DNM3: variants seen among roughly 807,000 people sequenced by gnomAD.
DNM3 encodes dynamin-3.
A neutral mutation model predicts 101.6 loss-of-function variants in DNM3; 47 were observed. The ratio of observed to expected loss-of-function variants is 0.46; its 90% CI spans 0.37 to 0.59. The LOEUF (loss-of-function observed/expected upper bound fraction) is 0.59. Ranked by LOEUF, DNM3 falls within the 20% of genes least tolerant of loss-of-function variation. The pLI is 0.00. For synonymous variants in DNM3, 385 were observed against 387.9 expected (o/e 0.99, Z 0.09); for missense variants, 849 against 1,085.7 (o/e 0.78, Z 3.06).
At chr1:172,150,647 G>A (rs1383307923) in intron 14 of DNM3, among the ~76,000 whole-genome samples, 1 of 152,302 alleles carries the variant, frequency 6.6e-6, no homozygotes, top group East Asian at 1.9e-4. Context: ...GCTCAAGGAG[G>A]TAGTGTCGTG....
At chr1:171,853,583 CTT>C (rs933082639) in intron 1 of DNM3, among the ~76,000 whole-genome samples, 2 of 152,060 alleles carry the variant, frequency 1.3e-5, no homozygotes, top group East Asian at 3.8e-4. Flanking sequence ...GTTTAGTTTC[CTT>C]TTTTTATTTT....
At chr1:172,329,450 C>T (rs1316748589) in intron 17 of DNM3, among the ~76,000 whole-genome samples, 5 of 152,004 alleles carry the variant, frequency 3.3e-5, no homozygotes, top group Admixed American at 3.3e-4. Context: ...ACAACCAATA[C>T]TATACAAAGA....
At chr1:172,236,285 G>T (rs2061542669) in intron 14 of DNM3, among the ~76,000 whole-genome samples, 1 of 152,102 alleles carries the variant, frequency 6.6e-6, no homozygotes, top group South Asian at 2.1e-4. Flanking sequence ...CATGTCTCAT[G>T]TCAAGGAAAA....
chr1:172,399,202 A>G (rs1409468889), intron 20 of DNM3, among the ~76,000 whole-genome samples: 1 of 152,146 alleles, frequency 6.6e-6, no homozygotes, highest in African/African-American at 2.4e-5. Context: ...ATTTTTACAA[A>G]CACAGCATTT....
chr1:172,313,362 C>T (rs77850459), intron 16 of DNM3, among the ~76,000 whole-genome samples: 1,758 of 152,162 alleles, frequency 0.012, 32 homozygotes, highest in African/African-American at 0.038. Context: ...TTGACACGTA[C>T]GTAAATTTTT....
Position 172,165,181 on chromosome 1 carries a change from C to T in DNM3, c.1659+33893C>T, listed in dbSNP as rs17277113. On this transcript the variant is annotated intron_variant, in intron 14 of 20. Coordinates refer to ENST00000627582, the MANE Select transcript of DNM3 (RefSeq NM_015569.5). Reference sequence around the variant, plus strand: ...TTCCTTTTTCAAAAATACAGCTTTACTGGGTGAAGTGTAAATGGAAACTCT... The same window carrying T: ...TTCCTTTTTCAAAAATACAGCTTTATTGGGTGAAGTGTAAATGGAAACTCT... Among the ~76,000 whole-genome samples the T allele has an allele frequency of 8.7e-3, 1,316 of 152,084 alleles. 11 individuals are homozygous for T. Among genetic ancestry groups the T allele is most frequent in the Non-Finnish European group, 0.014 (929 of 67,956 alleles).
chr1:171,933,642 T>C (rs2041197371), intron 2 of DNM3, among the ~76,000 whole-genome samples: 1 of 151,632 alleles, frequency 6.6e-6, no homozygotes, highest in Non-Finnish European at 1.5e-5. Flanking sequence ...TGGTAGGAAA[T>C]GGGGTAAAGA....
intron 1 of DNM3, among the ~76,000 whole-genome samples, chr1:171,859,792 G>T (rs2033985680): frequency 6.6e-6 from 1 of 152,138 alleles, no homozygotes; most frequent in South Asian, 2.1e-4. Context: ...AGTTGGTCAG[G>T]GAAGCCAGTC....
At chr1:172,022,232 T>A (rs2047898272) in intron 4 of DNM3, among the ~76,000 whole-genome samples, 1 of 152,152 alleles carries the variant, frequency 6.6e-6, no homozygotes, top group Admixed American at 6.5e-5. Context: ...TCTTGGTGGT[T>A]GTTTTGAATC....
intron 15 of DNM3, among the ~76,000 whole-genome samples, chr1:172,288,336 C>T (rs1170093616): frequency 3.3e-5 from 5 of 152,168 alleles, no homozygotes; most frequent in African/African-American, 9.7e-5. Flanking sequence ...GAGTGAACAG[C>T]ATATGCCAAG....
intron 1 of DNM3, among the ~76,000 whole-genome samples, chr1:171,907,508 G>C (rs1320748706): frequency 2.0e-5 from 3 of 150,390 alleles, no homozygotes; most frequent in East Asian, 1.9e-4. Flanking sequence ...AAAAAAAAAA[G>C]AAGTAAGTCA....
intron 1 of DNM3, among the ~76,000 whole-genome samples, chr1:171,886,672 A>G (rs1214944281): frequency 6.6e-6 from 1 of 152,220 alleles, no homozygotes; most frequent in East Asian, 1.9e-4. Context: ...TATTGTTTCC[A>G]GGCTATGGCT....
At position 172,251,209 on chromosome 1, in the gene DNM3, G is replaced by A. The variant is rs1445043692; in HGVS notation, c.1660-2364G>A. The stretch of plus-strand genomic sequence containing the variant: ...TAGCACACTTCTTGATTAAGATGAT[G>A]CTAAGACTGTATTTTGGAAATTATA... On this transcript the variant is annotated intron_variant, in intron 14 of 20. Transcript: ENST00000627582. Among the ~76,000 whole-genome samples, 6 of 152,062 alleles carry A rather than the reference G, an allele frequency of 3.9e-5. No homozygotes were observed. The East Asian group carries it at 1.2e-3, about 29-fold the overall frequency.
At chr1:172,405,733 TAAGA>T (rs557941164) in intron 20 of DNM3, among the ~76,000 whole-genome samples, 218 of 152,084 alleles carry the variant, frequency 1.4e-3, no homozygotes, top group Non-Finnish European at 2.5e-3. Flanking sequence ...GGTTAATTGC[TAAGA>T]ATACATTTCC....
chr1:172,319,113 AC>A (rs922874704), intron 16 of DNM3, among the ~76,000 whole-genome samples: 5 of 152,186 alleles, frequency 3.3e-5, no homozygotes, highest in Non-Finnish European at 7.3e-5. Flanking sequence ...TCTTTGACAA[AC>A]CTGAGAAAAA....
intron 16 of DNM3, among the ~76,000 whole-genome samples, chr1:172,317,820 A>G (rs1011359214): frequency 1.3e-5 from 2 of 152,146 alleles, no homozygotes; most frequent in South Asian, 2.1e-4. Context: ...ACAAGGAGGA[A>G]CTGGTAGCAT....
intron 1 of DNM3, among the ~76,000 whole-genome samples, chr1:171,850,558 T>G (rs1190220347): frequency 2.0e-5 from 3 of 152,246 alleles, no homozygotes; most frequent in Non-Finnish European, 4.4e-5. Flanking sequence ...TGAGTCCTAC[T>G]ACCAGGACAG....
At chr1:172,365,103 A>G (rs1018876298) in intron 17 of DNM3, among the ~76,000 whole-genome samples, 2 of 151,940 alleles carry the variant, frequency 1.3e-5, no homozygotes, top group African/African-American at 4.8e-5. Context: ...AACCTTAAAA[A>G]CATTCTTTAA....
intron 4 of DNM3, among the ~76,000 whole-genome samples, chr1:171,993,379 T>G (rs186827713): frequency 4.6e-4 from 70 of 152,196 alleles, no homozygotes; most frequent in African/African-American, 1.6e-3. Context: ...TTTTTTTCCT[T>G]TCATCAATTT....
Sources: gnomAD v4.1 joint callset for allele counts (sites outside exome capture counted in the v4.1 genomes callset) on GRCh38, gnomAD v4.1.1 for gene constraint, MANE v1.5 for transcripts, NCBI Gene and HGNC (gene_info 2026-07-23, HGNC 2026-07-21) for gene names.